Variants in PTPRK observed in about 807,000 individuals in gnomAD.
PTPRK encodes receptor-type tyrosine-protein phosphatase kappa.
PTPRK carries 75 observed loss-of-function variants against 178.0 expected under a neutral mutation model. The ratio of observed to expected loss-of-function variants is 0.42; its 90% CI spans 0.35 to 0.51. The LOEUF (loss-of-function observed/expected upper bound fraction) is 0.51. Among genes scored for constraint, PTPRK ranks in the 20% least tolerant of loss-of-function variants. The pLI is 0.02. For synonymous variants in PTPRK, 637 were observed against 620.6 expected (o/e 1.03, Z -0.39); for missense variants, 1,441 against 1,797.8 (o/e 0.80, Z 3.59).
chr6:128,083,621 T>C (rs41285284), intron 9 of PTPRK, 94 bp downstream of exon 9: 368 of 594,128 alleles, frequency 6.2e-4, no homozygotes, highest in Middle Eastern at 1.0e-3. Flanking sequence ...AATCCTCATT[T>C]ACGTCTTTTC....
chr6:128,498,553 A>G (rs1216735019), intron 1 of PTPRK, among the ~76,000 whole-genome samples: 2 of 152,214 alleles, frequency 1.3e-5, no homozygotes, highest in Non-Finnish European at 2.9e-5. Flanking sequence ...CTGTCCAGAT[A>G]ACTGTCTGAT....
chr6:128,499,397 G>A (rs982512769), intron 1 of PTPRK, among the ~76,000 whole-genome samples: 6 of 152,206 alleles, frequency 3.9e-5, no homozygotes, highest in African/African-American at 1.4e-4. Flanking sequence ...CATATGTGTA[G>A]CTCAATTTGG....
intron 1 of PTPRK, among the ~76,000 whole-genome samples, chr6:128,399,817 T>C (rs1312406915): frequency 6.6e-6 from 1 of 152,224 alleles, no homozygotes; most frequent in African/African-American, 2.4e-5. Flanking sequence ...TAGGAGTAGC[T>C]GTACAAAATA....
intron 25 of PTPRK, among the ~76,000 whole-genome samples, chr6:127,980,209 C>T (rs1394787213): frequency 6.6e-6 from 1 of 152,128 alleles, no homozygotes; most frequent in Non-Finnish European, 1.5e-5. Flanking sequence ...ACTTGGGAGG[C>T]AAAGGCAGGA....
At chr6:128,189,803 C>T (rs1345124487) in intron 6 of PTPRK, among the ~76,000 whole-genome samples, 1 of 152,078 alleles carries the variant, frequency 6.6e-6, no homozygotes, top group Admixed American at 6.6e-5. Flanking sequence ...CAGTGTTTCT[C>T]ATTGTTTAAT....
chr6:128,179,524 C>T (rs1452563214), intron 7 of PTPRK, among the ~76,000 whole-genome samples: 1 of 151,726 alleles, frequency 6.6e-6, no homozygotes, highest in African/African-American at 2.4e-5. Context: ...TGCTCAAAAA[C>T]AATACAAAGC....
At chr6:128,130,848 T>C (rs1444500790) in intron 7 of PTPRK, among the ~76,000 whole-genome samples, 1 of 150,776 alleles carries the variant, frequency 6.6e-6, no homozygotes, top group Non-Finnish European at 1.5e-5. Context: ...TAAAAAAAAA[T>C]TGAATAACTG....
intron 7 of PTPRK, among the ~76,000 whole-genome samples, chr6:128,146,362 T>C (rs979163805): frequency 6.6e-6 from 1 of 152,070 alleles, no homozygotes; most frequent in Non-Finnish European, 1.5e-5. Context: ...ACCTAATTTG[T>C]TGCTTGTTGG....
At chr6:128,180,698 T>C (rs754166990) in intron 7 of PTPRK, among the ~76,000 whole-genome samples, 9 of 152,118 alleles carry the variant, frequency 5.9e-5, no homozygotes, top group Non-Finnish European at 1.2e-4. Flanking sequence ...AAACACAGCA[T>C]ATATTGGAGA....
intron 15 of PTPRK, among the ~76,000 whole-genome samples, chr6:128,004,198 C>T (rs1459126246): frequency 4.0e-5 from 6 of 151,700 alleles, no homozygotes; most frequent in Non-Finnish European, 7.4e-5. Context: ...TGCCATAAGG[C>T]CCAAGTTATA....
intron 7 of PTPRK, among the ~76,000 whole-genome samples, chr6:128,162,801 AC>A (rs1798881502): frequency 6.6e-6 from 1 of 151,620 alleles, no homozygotes; most frequent in Admixed American, 6.6e-5. Flanking sequence ...GGACATCAAC[AC>A]TGATAGGCTT....
intron 1 of PTPRK, among the ~76,000 whole-genome samples, chr6:128,469,703 G>A (rs956126816): frequency 3.3e-5 from 5 of 152,138 alleles, no homozygotes; most frequent in African/African-American, 1.2e-4. Flanking sequence ...CCGGCAAAGA[G>A]GAATTAAGGT....
chr6:128,139,293 G>A (rs758942173), intron 7 of PTPRK, among the ~76,000 whole-genome samples: 6 of 151,950 alleles, frequency 3.9e-5, no homozygotes, highest in Non-Finnish European at 8.8e-5. Context: ...GTTAAAAACA[G>A]TATTAAAAAA....
chr6:128,059,860 T>C (rs116453559), intron 13 of PTPRK, among the ~76,000 whole-genome samples: 2,167 of 152,332 alleles, frequency 0.014, 57 homozygotes, highest in African/African-American at 0.049. Context: ...ATTATTAGAC[T>C]AGTAATACTC....
At chr6:128,191,780 A>G (rs577944893) in intron 6 of PTPRK, among the ~76,000 whole-genome samples, 4 of 152,302 alleles carry the variant, frequency 2.6e-5, no homozygotes, top group African/African-American at 9.6e-5. Flanking sequence ...CAGCTCAACA[A>G]TGTAGAAAAT....
intron 1 of PTPRK, 97 bp from the exon 2 acceptor site, chr6:128,397,785 TACTC>T (rs1222114912): frequency 2.5e-6 from 3 of 1,189,344 alleles, no homozygotes; most frequent in Admixed American, 2.1e-5. Context: ...TATATAATGT[TACTC>T]ACAATCTTAA....
At chr6:128,009,392 C>A in intron 13 of PTPRK, 124 bp from the exon 14 acceptor site, 1 of 847,690 alleles carries the variant, frequency 1.2e-6, no homozygotes, top group Admixed American at 2.7e-5. Context: ...AATAATCCCA[C>A]AATGTAAATA....
At chr6:128,017,256 T>A (rs910231398) in intron 13 of PTPRK, among the ~76,000 whole-genome samples, 1 of 152,072 alleles carries the variant, frequency 6.6e-6, no homozygotes, top group Non-Finnish European at 1.5e-5. Context: ...ATCTTGTTAA[T>A]CTTTATGATT....
intron 5 of PTPRK, among the ~76,000 whole-genome samples, chr6:128,222,490 T>G (rs181585029): frequency 6.6e-6 from 1 of 152,286 alleles, no homozygotes; most frequent in Non-Finnish European, 1.5e-5. Context: ...GTCCTGTGAA[T>G]ATTCCCATTG....
Sources: allele counts gnomAD v4.1 joint callset (sites outside exome capture counted in the v4.1 genomes callset), GRCh38; gene constraint gnomAD v4.1.1; transcripts MANE v1.5; gene names NCBI Gene and HGNC (gene_info 2026-07-23, HGNC 2026-07-21).